CRTAC1: variants seen among roughly 807,000 people sequenced by gnomAD.
CRTAC1 encodes the protein acidic secreted protein in cartilage.
A neutral mutation model predicts 67.8 loss-of-function variants in CRTAC1; 37 were observed. The observed-to-expected ratio is 0.55, with a 90% CI of 0.42 to 0.72. The LOEUF is 0.72. Among genes scored for constraint, CRTAC1 ranks in the 30% least tolerant of loss-of-function variants. The pLI is 0.00. For missense variants in CRTAC1, 780 were observed against 931.6 expected, an observed-to-expected ratio of 0.84 and a Z score of 2.12; for synonymous variants, 348 against 371.0, an observed-to-expected ratio of 0.94 and a Z score of 0.71.
intron 8 of CRTAC1, among the ~76,000 whole-genome samples, chr10:97,899,242 G>C (rs1210533489): frequency 6.6e-6 from 1 of 152,198 alleles, no homozygotes; most frequent in East Asian, 1.9e-4. Context: ...CAGGGACTTG[G>C]GGCACAGCCA....
At position 98,011,398 on chromosome 10, in the gene CRTAC1, T is replaced by C. The variant is rs1842906359; in HGVS notation, c.25-61A>G. The C allele has an allele frequency of 4.4e-6, 7 of 1,601,494 alleles. No homozygotes were observed. The Admixed American group carries it at 6.7e-5, about 15-fold the overall frequency. Reference sequence around the variant, plus strand: ...CTGTAACCAAAGCAATCCCGGAACATTAAAGTCCTGGGTAGGCCCAGAGTG... The same window carrying C: ...CTGTAACCAAAGCAATCCCGGAACACTAAAGTCCTGGGTAGGCCCAGAGTG... On this transcript the variant is annotated intron_variant, in intron 1 of 14. Coordinates refer to ENST00000370597, the MANE Select transcript of CRTAC1 (RefSeq NM_018058.7).
chr10:98,016,826 C>T (rs148191061), intron 1 of CRTAC1, among the ~76,000 whole-genome samples: 99 of 151,836 alleles, frequency 6.5e-4, no homozygotes, highest in African/African-American at 2.2e-3. Flanking sequence ...AATTCATCAC[C>T]GGCTGGTTGA....
chr10:97,942,773 A>G (rs1337601183), intron 2 of CRTAC1, among the ~76,000 whole-genome samples: 1 of 142,912 alleles, frequency 7.0e-6, no homozygotes, highest in East Asian at 2.0e-4. Context: ...TTAAAAAGTG[A>G]AAAAAAAAAA....
intron 2 of CRTAC1, among the ~76,000 whole-genome samples, chr10:97,961,933 G>A (rs562008898): frequency 8.5e-5 from 13 of 152,166 alleles, no homozygotes; most frequent in Non-Finnish European, 1.2e-4. Context: ...GTTTCCATGC[G>A]TACTTGGTGC....
intron 2 of CRTAC1, among the ~76,000 whole-genome samples, chr10:97,974,462 G>A (rs1446757319): frequency 6.6e-6 from 1 of 152,238 alleles, no homozygotes; most frequent in Non-Finnish European, 1.5e-5. Flanking sequence ...ACAACACCGC[G>A]TAGAGCGTCT....
intron 5 of CRTAC1, among the ~76,000 whole-genome samples, chr10:97,916,031 G>A (rs539842457): frequency 3.1e-4 from 47 of 152,106 alleles, no homozygotes; most frequent in African/African-American, 1.2e-4. Flanking sequence ...CCCAGCCAGC[G>A]TGAACAATGC....
chr10:97,925,732 T>G (rs2050905626), intron 3 of CRTAC1, among the ~76,000 whole-genome samples: 6 of 139,132 alleles, frequency 4.3e-5, no homozygotes, highest in East Asian at 2.2e-4. Context: ...GGAGGGTGAG[T>G]GAGAATGAGT....
intron 3 of CRTAC1, among the ~76,000 whole-genome samples, chr10:97,924,621 C>G (rs1286037423): frequency 6.6e-6 from 1 of 152,182 alleles, no homozygotes; most frequent in African/African-American, 2.4e-5. Flanking sequence ...GGTTTTCCTA[C>G]TTGTGAGTGG....
intron 14 of CRTAC1, among the ~76,000 whole-genome samples, chr10:97,874,476 A>G (rs1328397610): frequency 1.3e-5 from 2 of 152,094 alleles, no homozygotes; most frequent in African/African-American, 4.8e-5. Flanking sequence ...CCTTATGGCC[A>G]TTTGCCATCT....
At chr10:98,017,812 C>T (rs773104422) in intron 1 of CRTAC1, among the ~76,000 whole-genome samples, 13 of 151,594 alleles carry the variant, frequency 8.6e-5, no homozygotes, top group Non-Finnish European at 2.9e-5. Context: ...GCTGAGATTA[C>T]AGGTGTGAGC....
chr10:97,995,601 C>T (rs1419089727), intron 2 of CRTAC1, among the ~76,000 whole-genome samples: 1 of 152,156 alleles, frequency 6.6e-6, no homozygotes, highest in Non-Finnish European at 1.5e-5. Context: ...TAGTGTATTA[C>T]TGGGTTCACA....
chr10:98,010,645 C>T (rs1381541595), intron 2 of CRTAC1, among the ~76,000 whole-genome samples: 3 of 152,264 alleles, frequency 2.0e-5, no homozygotes, highest in Admixed American at 1.3e-4. Flanking sequence ...AGCTAACCCT[C>T]TTAATTTCCA....
chr10:97,974,006 ATGAC>A (rs1229679349), intron 2 of CRTAC1, among the ~76,000 whole-genome samples: 1 of 151,924 alleles, frequency 6.6e-6, no homozygotes, highest in Non-Finnish European at 1.5e-5. Context: ...AAAAATGAAA[ATGAC>A]TGCCCTACAC....
At chr10:97,892,741 T>C (rs1184928296) in intron 11 of CRTAC1, among the ~76,000 whole-genome samples, 5 of 152,222 alleles carry the variant, frequency 3.3e-5, no homozygotes, top group Non-Finnish European at 7.3e-5. Flanking sequence ...GACAGGACTA[T>C]GTATTTAAAA....
intron 3 of CRTAC1, among the ~76,000 whole-genome samples, chr10:97,923,777 G>C (rs761693170): frequency 6.6e-6 from 1 of 152,180 alleles, no homozygotes; most frequent in Non-Finnish European, 1.5e-5. Flanking sequence ...CTCAACCCAG[G>C]ATGGCTCTTT....
intron 1 of CRTAC1, among the ~76,000 whole-genome samples, chr10:98,019,394 C>G (rs78656694): frequency 6.6e-6 from 1 of 152,146 alleles, no homozygotes; most frequent in African/African-American, 2.4e-5. Context: ...GCCCTGGGGA[C>G]TTTTGGCAAT....
intron 5 of CRTAC1, among the ~76,000 whole-genome samples, chr10:97,910,648 T>C (rs1200300383): frequency 2.6e-5 from 4 of 152,190 alleles, no homozygotes; most frequent in African/African-American, 9.7e-5. Context: ...AAAGTGACCA[T>C]GCTTATTTGA....
chr10:97,925,631 G>C (rs2050901847), intron 3 of CRTAC1, among the ~76,000 whole-genome samples: 1 of 144,738 alleles, frequency 6.9e-6, no homozygotes, highest in Non-Finnish European at 1.5e-5. Flanking sequence ...AGTGTGAGGG[G>C]AGGGTGAGTG....
Position 97,967,000 on chromosome 10 carries a change from C to G in CRTAC1, c.225-30634G>C, listed in dbSNP as rs78529945. On this transcript the variant is annotated intron_variant, in intron 2 of 14. Coordinates refer to ENST00000370597, the MANE Select transcript of CRTAC1 (RefSeq NM_018058.7). ...TTTCTCCATTGTAAAGTCACCCCCC[C>G]CCCCCCGACATCCTACATGCTTCAG... Among the ~76,000 whole-genome samples the G allele has an allele frequency of 1.1e-3, 162 of 149,696 alleles. 1 individual carries two copies. The highest frequency in any genetic ancestry group is 1.9e-3 in the Non-Finnish European group (130 of 67,500).
Sources: gnomAD v4.1 joint callset for allele counts (sites outside exome capture counted in the v4.1 genomes callset) on GRCh38, gnomAD v4.1.1 for gene constraint, MANE v1.5 for transcripts, NCBI Gene and HGNC (gene_info 2026-07-23, HGNC 2026-07-21) for gene names.